RFX7: variants seen among roughly 807,000 people sequenced by gnomAD.
The protein encoded by RFX7 is DNA-binding protein RFX7.
A neutral mutation model predicts 111.8 loss-of-function variants in RFX7; 26 were observed. That is an observed-to-expected ratio of 0.23 (90% confidence interval 0.17 to 0.32). RFX7 has a LOEUF of 0.32. Among genes scored for constraint, RFX7 ranks in the 10% least tolerant of loss-of-function variants. RFX7 has a pLI of 1.00. For synonymous variants in RFX7, 624 were observed against 624.4 expected (o/e 1.00, Z 0.01); for missense variants, 1,573 against 1,772.9 (o/e 0.89, Z 2.02).
chr15:56,228,897 A>C (rs2043516778), intron 2 of RFX7, among the ~76,000 whole-genome samples: 1 of 152,218 alleles, frequency 6.6e-6, no homozygotes, highest in Non-Finnish European at 1.5e-5. Context: ...TAAATTAGGC[A>C]TAGTAAGAGA....
chr15:56,233,940 G>A (rs2043595509), intron 2 of RFX7, among the ~76,000 whole-genome samples: 1 of 152,120 alleles, frequency 6.6e-6, no homozygotes. Flanking sequence ...TTTCTCCCAA[G>A]CCATTTTCCT....
At position 56,141,938 on chromosome 15, in the gene RFX7, T is replaced by C. The variant is rs1412727119; in HGVS notation, c.401+840A>G. ...CTCCATTATGTTTCTTTTGGTGAGG[T>C]AGTAAGAACTGTGAATAGATACCAA... On this transcript the variant is annotated intron_variant, in intron 5 of 9. Transcript: ENST00000559447. 2.0e-5 allele frequency among the ~76,000 whole-genome samples: 3 copies of C among 152,008 alleles called. No individual in the cohort carries two copies. The East Asian group carries it at 5.8e-4, about 29-fold the overall frequency.
At chr15:56,218,906 C>T (rs2043395714) in intron 2 of RFX7, among the ~76,000 whole-genome samples, 2 of 151,754 alleles carry the variant, frequency 1.3e-5, no homozygotes, top group African/African-American at 4.8e-5. Context: ...TCGAATTGCA[C>T]AATTAGAGAA....
intron 2 of RFX7, among the ~76,000 whole-genome samples, chr15:56,204,325 C>T (rs901791736): frequency 3.9e-5 from 6 of 151,930 alleles, no homozygotes; most frequent in Non-Finnish European, 7.4e-5. Flanking sequence ...GGCCTGATCA[C>T]GAACCTTAAT....
At position 56,202,140 on chromosome 15, in the gene RFX7, T is replaced by G. The variant is rs375135620; in HGVS notation, c.162-22837A>C. ...GAAAGCTTTATAAAAACCTAGATAATCAGGCTTAGTCTCTGAAACCTATCA... is the reference window on the plus strand; with the variant it reads ...GAAAGCTTTATAAAAACCTAGATAAGCAGGCTTAGTCTCTGAAACCTATCA... On this transcript the variant is annotated intron_variant, in intron 2 of 9. Coordinates refer to ENST00000559447, the MANE Select transcript of RFX7 (RefSeq NM_022841.7). Among the ~76,000 whole-genome samples the G allele has an allele frequency of 9.2e-5, 14 of 152,224 alleles. No homozygotes were observed. In the South Asian group the frequency reaches 2.7e-3, roughly 29 times the overall value.
intron 2 of RFX7, among the ~76,000 whole-genome samples, chr15:56,194,409 T>C (rs1567042774): frequency 6.6e-6 from 1 of 152,128 alleles, no homozygotes; most frequent in Non-Finnish European, 1.5e-5. Flanking sequence ...GCTCTTACAT[T>C]CTATCCTTAC....
At chr15:56,224,515 G>GTATTAAC (rs2043461277) in intron 2 of RFX7, among the ~76,000 whole-genome samples, 1 of 141,704 alleles carries the variant, frequency 7.1e-6, no homozygotes, top group Non-Finnish European at 1.6e-5. Flanking sequence ...GTGTAAAACT[G>GTATTAAC]TATTAACTAT....
intron 2 of RFX7, among the ~76,000 whole-genome samples, chr15:56,214,182 G>A (rs1206998824): frequency 5.9e-5 from 9 of 152,138 alleles, no homozygotes; most frequent in Non-Finnish European, 4.4e-5. Context: ...GGTATGGCAA[G>A]TTCCTAACTT....
At chr15:56,123,148 A>G (rs968437527) in intron 5 of RFX7, among the ~76,000 whole-genome samples, 1 of 152,110 alleles carries the variant, frequency 6.6e-6, no homozygotes, top group Non-Finnish European at 1.5e-5. Context: ...TAGCCACCAC[A>G]GCTGTAAATA....
Position 56,096,965 on chromosome 15 carries a change from G to T in RFX7, c.1108-345C>A, listed in dbSNP as rs931790582. Among the ~76,000 whole-genome samples, 75 of 152,070 alleles carry T rather than the reference G, an allele frequency of 4.9e-4. 1 individual carries two copies. Among genetic ancestry groups the T allele is most frequent in the Non-Finnish European group, 1.6e-4 (11 of 68,010 alleles). On this transcript the variant is annotated intron_variant, in intron 9 of 9. Transcript: ENST00000559447. Reference sequence around the variant, plus strand: ...CTTGAAGAAACATACAACTGTAAAGGTTACCTACCAGAATCTATGCTAAGA... The same window carrying T: ...CTTGAAGAAACATACAACTGTAAAGTTTACCTACCAGAATCTATGCTAAGA...
Position 56,243,521 on chromosome 15 carries a change from G to T in RFX7, c.-79C>A, listed in dbSNP as rs1487031676. 1 of 984,668 alleles carries T rather than the reference G, an allele frequency of 1.0e-6. No homozygotes were observed. Among genetic ancestry groups the T allele is most frequent in the Non-Finnish European group, 1.2e-6 (1 of 829,634 alleles). 61.0% of individuals were successfully genotyped at this position (984,668 alleles called of 1,614,324 possible). ...GGAGACCAGCGGCTCCTCACGGCCGGGGCGCTTCACCGCGGGAGAGGCATG... is the reference window on the plus strand; with the variant it reads ...GGAGACCAGCGGCTCCTCACGGCCGTGGCGCTTCACCGCGGGAGAGGCATG... On this transcript the variant is annotated 5_prime_UTR_variant, in exon 1 of 10. Coordinates refer to ENST00000559447, the MANE Select transcript of RFX7 (RefSeq NM_022841.7).
chr15:56,195,538 A>G (rs2141170775), intron 2 of RFX7, among the ~76,000 whole-genome samples: 1 of 152,262 alleles, frequency 6.6e-6, no homozygotes. Context: ...TGAAATAGTC[A>G]TTGTTCTTAG....
At chr15:56,097,746 C>CAAAAA (rs67718449) in intron 9 of RFX7, among the ~76,000 whole-genome samples, 959 of 47,248 alleles carry the variant, frequency 0.02, 139 homozygotes, top group Admixed American at 0.058. Flanking sequence ...GACTCTGTCT[C>CAAAAA]AAAAAAAAAA....
intron 5 of RFX7, 61 bp downstream of exon 5, chr15:56,142,717 G>C: frequency 6.9e-7 from 1 of 1,456,046 alleles, no homozygotes; most frequent in African/African-American, 1.4e-5. Flanking sequence ...AATCACTATG[G>C]CCAAGTATAG....
In RFX7 at chr15:56,095,566, T is replaced by C; in HGVS notation, c.2162A>G (p.Asn721Ser). The change falls in exon 10 of 10, where the codon AAT becomes AGT. Residue 721 changes from asparagine to serine, a missense_variant. Asn to Ser is a conservative substitution (Grantham distance 46). Coordinates refer to ENST00000559447, the MANE Select transcript of RFX7 (RefSeq NM_022841.7). ...ATTTGCTCCTATGTGTGAACTGACATTTACTGATACCTTGCTAGGAATCTG... is the reference window on the plus strand; with the variant it reads ...ATTTGCTCCTATGTGTGAACTGACACTTACTGATACCTTGCTAGGAATCTG... ...GAQIPSKVSV[N>S]VSSHIGANQP... 6.2e-7 allele frequency: 1 copy of C among 1,613,952 alleles called. No individual in the cohort carries two copies. The highest frequency in any genetic ancestry group is 8.5e-7 in the Non-Finnish European group (1 of 1,179,870).
chr15:56,102,173 T>C lies in RFX7; in HGVS notation c.599A>G (p.Asp200Gly), dbSNP rs531331249. 4 of 1,608,064 alleles carry C rather than the reference T, an allele frequency of 2.5e-6. No individual in the cohort carries two copies. The highest frequency in any genetic ancestry group is 1.6e-4 in the Middle Eastern group (1 of 6,068). ...AAGAAAAGGCTGAATTCTTACCCCA[T>C]CTCCAGTTTTGTGAAAGTCAAGGTT... ...LPNLDFHKTG[D>G]GLEGAEPSGQ... Residue 200 changes from aspartate to glycine, a missense_variant, in exon 7 of 10, where the codon GAT (aspartate) becomes GGT (glycine). Asp to Gly is a moderately conservative substitution (Grantham distance 94). Transcript: ENST00000559447.
At chr15:56,196,950 C>A (rs1313126411) in intron 2 of RFX7, among the ~76,000 whole-genome samples, 1 of 152,046 alleles carries the variant, frequency 6.6e-6, no homozygotes, top group Non-Finnish European at 1.5e-5. Context: ...GTATGTTGAT[C>A]TTCAACTTTC....
rs763718502 is a variant in RFX7, at chr15:56,098,354, A to G, written c.834T>C (p.Pro278=). 6.2e-7 allele frequency: 1 copy of G among 1,602,916 alleles called. No homozygotes were observed. The highest frequency in any genetic ancestry group is 2.2e-5 in the East Asian group (1 of 44,722). ...TTTCAGCTGTAGGTATAAAAGCAGA[A>G]GGCTGGGTAATTCCTTTCATTCCTG... ...APAGMKGITQ[P]SAFIPTAESN... The change falls in exon 9 of 10, where the codon CCT becomes CCC. Residue 278 remains proline (P), a synonymous_variant. Transcript: ENST00000559447.
intron 2 of RFX7, among the ~76,000 whole-genome samples, chr15:56,213,251 C>T (rs1228223372): frequency 2.0e-5 from 3 of 152,160 alleles, no homozygotes; most frequent in Non-Finnish European, 2.9e-5. Context: ...ATGTCTACAG[C>T]AGCTTTACTC....
Sources: allele counts gnomAD v4.1 joint callset (sites outside exome capture counted in the v4.1 genomes callset), GRCh38; gene constraint gnomAD v4.1.1; transcripts MANE v1.5; gene names NCBI Gene and HGNC (gene_info 2026-07-23, HGNC 2026-07-21).